OSBPL3: variants seen among roughly 807,000 people sequenced by gnomAD.
The protein encoded by OSBPL3 is oxysterol-binding protein-related protein 3.
In OSBPL3, 65 loss-of-function variants were observed where a neutral mutation model predicts 120.1. The observed-to-expected ratio is 0.54, with a 90% CI of 0.44 to 0.67. The LOEUF (loss-of-function observed/expected upper bound fraction) is 0.67, where lower values mean the gene tolerates loss of function less well. Among genes scored for constraint, OSBPL3 ranks in the 30% least tolerant of loss-of-function variants. OSBPL3 has a pLI of 0.00. For synonymous variants in OSBPL3, 416 were observed against 402.6 expected (o/e 1.03, Z -0.40); for missense variants, 1,004 against 1,082.1 (o/e 0.93, Z 1.01).
rs575938429 is a variant in OSBPL3 at position 24,847,557 on chromosome 7, T to C, written c.1266+1512A>G. On this transcript the variant is annotated intron_variant, in intron 12 of 22. Coordinates refer to ENST00000313367, the MANE Select transcript of OSBPL3 (RefSeq NM_015550.4). ...TTTAAATATATAGTTTAAAAACATG[T>C]ATTTTAAAAGACTTGTGATTTTGGT... Among the ~76,000 whole-genome samples the C allele has an allele frequency of 9.8e-5, 15 of 152,344 alleles. No individual in the cohort carries two copies. The East Asian group carries it at 2.9e-3, about 29-fold the overall frequency.
Position 24,840,713 on chromosome 7 carries a change from A to G in OSBPL3, c.1472T>C (p.Leu491Ser). ...ACCCAAGGTCTGTCTCTCATTATCT[A>G]AATCATTACTGAGATTATCTAAGGA... is the stretch of plus-strand genomic sequence containing the variant. Reference protein sequence around the residue: ...NLSLDNLSNDLDNERQTLGPV... With the variant: ...NLSLDNLSNDSDNERQTLGPV... Residue 491 changes from leucine to serine, a missense_variant, in exon 14 of 23, where the codon TTA becomes TCA. Transcript: ENST00000313367. 2 of 1,446,336 alleles carry G rather than the reference A, an allele frequency of 1.4e-6. No homozygotes were observed. Among genetic ancestry groups the G allele is most frequent in the Non-Finnish European group, 1.9e-6 (2 of 1,051,954 alleles). The allele number at this position is 1,446,336 out of a possible 1,614,324, so 89.6% of individuals were successfully genotyped here.
Position 24,851,196 on chromosome 7 carries a change from A to T in OSBPL3, c.1158+1308T>A, listed in dbSNP as rs943989535. 2.0e-5 allele frequency among the ~76,000 whole-genome samples: 3 copies of T among 152,242 alleles called. No homozygotes were observed. Among genetic ancestry groups the T allele is most frequent in the Non-Finnish European group, 4.4e-5 (3 of 68,050 alleles). ...AACAATAAGAAAGTTAGGGAAAAAA[A>T]ACAAAAACACTTTGCTTCTGCTTCT... On this transcript the variant is annotated intron_variant, in intron 11 of 22. Transcript: ENST00000313367. This position sits in a 1 kb window ranked among gnomAD's most constrained non-coding sequence, Gnocchi z 4.1.
chr7:24,947,604 T>C lies in OSBPL3; in HGVS notation c.-150+32282A>G, dbSNP rs1015710985. ...TAACCATACCAACAACTTATCTATA[T>C]GGGTAAGAAGGAAGCCAAATATTGC... On this transcript the variant is annotated intron_variant, in intron 1 of 22. Coordinates refer to ENST00000313367, the MANE Select transcript of OSBPL3 (RefSeq NM_015550.4). The surrounding 1 kb of genome is among the most constrained non-coding windows in gnomAD (Gnocchi z 4.4). Among the ~76,000 whole-genome samples the C allele has an allele frequency of 7.9e-5, 12 of 152,178 alleles. No individual in the cohort carries two copies. Among genetic ancestry groups the C allele is most frequent in the African/African-American group, 2.4e-4 (10 of 41,420 alleles).
chr7:24,874,548 G>C (rs542815837), intron 2 of OSBPL3, among the ~76,000 whole-genome samples: 12 of 152,244 alleles, frequency 7.9e-5, no homozygotes, highest in Admixed American at 7.2e-4. Flanking sequence ...AAAAATTCCT[G>C]TTAGAACTGG....
In OSBPL3 at chr7:24,863,333, C is replaced by T. The variant is rs1259117804; in HGVS notation, c.778-41G>A. 6.4e-7 allele frequency: 1 copy of T among 1,556,230 alleles called. No individual in the cohort carries two copies. The highest frequency in any genetic ancestry group is 8.9e-7 in the Non-Finnish European group (1 of 1,127,222). On this transcript the variant is annotated intron_variant, in intron 8 of 22. Coordinates refer to ENST00000313367, the MANE Select transcript of OSBPL3 (RefSeq NM_015550.4). This position sits in a 1 kb window ranked among gnomAD's most constrained non-coding sequence, Gnocchi z 5.8. ...GGAAAGAGAGCACAGACAGTAAAGT[C>T]CACCAAACCGACAAGGATAAATGCA...
At chr7:24,892,659 A>T in intron 1 of OSBPL3, 38 bp from the exon 2 acceptor site, 1 of 1,303,886 alleles carries the variant, frequency 7.7e-7, no homozygotes, top group Non-Finnish European at 9.8e-7. Flanking sequence ...CAGAGGCATC[A>T]GATATCATCT....
intron 10 of OSBPL3, among the ~76,000 whole-genome samples, chr7:24,860,413 G>A (rs1800363365): frequency 6.6e-6 from 1 of 152,108 alleles, no homozygotes; most frequent in Non-Finnish European, 1.5e-5. Flanking sequence ...TGAATCACGG[G>A]GGTGGCTTCC....
rs540685111 is a variant in OSBPL3, at chr7:24,955,369, C to A, written c.-150+24517G>T. On this transcript the variant is annotated intron_variant, in intron 1 of 22. Transcript: ENST00000313367. The surrounding 1 kb of genome is among the most constrained non-coding windows in gnomAD (Gnocchi z 4.3). ...ACAACAAAAATATACTGAGCACTTACAATGCGCTGGGAATTTTTCCAGTGC... is the reference window on the plus strand; with the variant it reads ...ACAACAAAAATATACTGAGCACTTAAAATGCGCTGGGAATTTTTCCAGTGC... Among the ~76,000 whole-genome samples, 44 of 152,306 alleles carry A rather than the reference C, an allele frequency of 2.9e-4. 1 individual carries two copies. In the South Asian group the frequency reaches 8.5e-3, roughly 29 times the overall value.
intron 2 of OSBPL3, among the ~76,000 whole-genome samples, chr7:24,885,877 C>T (rs1804454999): frequency 6.6e-6 from 1 of 152,174 alleles, no homozygotes; most frequent in Admixed American, 6.5e-5. Context: ...CATACTTGGT[C>T]ATCTTTATCA....
At position 24,852,270 on chromosome 7, in the gene OSBPL3, A is replaced by T. The variant is rs1036255979; in HGVS notation, c.1158+234T>A. Among the ~76,000 whole-genome samples, 1 of 152,244 alleles carries T rather than the reference A, an allele frequency of 6.6e-6. No individual in the cohort carries two copies. Among genetic ancestry groups the T allele is most frequent in the Non-Finnish European group, 1.5e-5 (1 of 68,050 alleles). On this transcript the variant is annotated intron_variant, in intron 11 of 22. Coordinates refer to ENST00000313367, the MANE Select transcript of OSBPL3 (RefSeq NM_015550.4). The surrounding 1 kb of genome is among the most constrained non-coding windows in gnomAD (Gnocchi z 4.1). ...TTAGAGAAACAAAAAAATTAAGATC[A>T]GTCAGAGGAAACCAAACTTAAAGAA... is the stretch of plus-strand genomic sequence containing the variant.
chr7:24,901,947 G>A (rs780599137), intron 1 of OSBPL3, among the ~76,000 whole-genome samples: 7 of 152,162 alleles, frequency 4.6e-5, no homozygotes, highest in Non-Finnish European at 1.0e-4. Flanking sequence ...CCCACTGTAC[G>A]ATACTGGGAA....
chr7:24,851,552 C>T lies in OSBPL3; in HGVS notation c.1158+952G>A, dbSNP rs1231539484. ...CTGTGTTGGCTTCTGGTTACAAGAT[C>T]CTAAAATTTATCTCCCCTACCTGAC... On this transcript the variant is annotated intron_variant, in intron 11 of 22. Coordinates refer to ENST00000313367, the MANE Select transcript of OSBPL3 (RefSeq NM_015550.4). The surrounding 1 kb of genome is among the most constrained non-coding windows in gnomAD (Gnocchi z 4.1). Among the ~76,000 whole-genome samples, 1 of 152,078 alleles carries T rather than the reference C, an allele frequency of 6.6e-6. No individual in the cohort carries two copies. The highest frequency in any genetic ancestry group is 1.5e-5 in the Non-Finnish European group (1 of 68,016).
Position 24,819,818 on chromosome 7 carries a change from A to G in OSBPL3, c.1948+357T>C, listed in dbSNP as rs1016611720. ...TTAGGAACAATCATCTCAAAAATGAAAAGAAGTAAGCAATGTAAAACACGA... is the reference window on the plus strand; with the variant it reads ...TTAGGAACAATCATCTCAAAAATGAGAAGAAGTAAGCAATGTAAAACACGA... On this transcript the variant is annotated intron_variant, in intron 17 of 22. Coordinates refer to ENST00000313367, the MANE Select transcript of OSBPL3 (RefSeq NM_015550.4). The surrounding 1 kb of genome is among the most constrained non-coding windows in gnomAD (Gnocchi z 4.1). Among the ~76,000 whole-genome samples the G allele has an allele frequency of 1.3e-5, 2 of 152,232 alleles. No individual in the cohort carries two copies. The highest frequency in any genetic ancestry group is 4.8e-5 in the African/African-American group (2 of 41,462).
In OSBPL3 at chr7:24,891,903, A is replaced by G. The variant is rs1052038741; in HGVS notation, c.96+474T>C. ...AATCTGTGGTTACAAGCTGCCATAA[A>G]AGGTTTGATGAAGGGAAGAAAGTTG... On this transcript the variant is annotated intron_variant, in intron 2 of 22. Transcript: ENST00000313367. The surrounding 1 kb of genome is among the most constrained non-coding windows in gnomAD (Gnocchi z 4.1). Among the ~76,000 whole-genome samples the G allele has an allele frequency of 9.9e-5, 15 of 152,214 alleles. No homozygotes were observed. Among genetic ancestry groups the G allele is most frequent in the African/African-American group, 3.6e-4 (15 of 41,470 alleles).
chr7:24,851,556 A>C lies in OSBPL3; in HGVS notation c.1158+948T>G, dbSNP rs1054051311. On this transcript the variant is annotated intron_variant, in intron 11 of 22. Transcript: ENST00000313367. This position sits in a 1 kb window ranked among gnomAD's most constrained non-coding sequence, Gnocchi z 4.1. ...GTTGGCTTCTGGTTACAAGATCCTA[A>C]AATTTATCTCCCCTACCTGACCTGA... Among the ~76,000 whole-genome samples, 14 of 152,174 alleles carry C rather than the reference A, an allele frequency of 9.2e-5. No individual in the cohort carries two copies. The highest frequency in any genetic ancestry group is 3.4e-4 in the African/African-American group (14 of 41,438).
At position 24,818,245 on chromosome 7, in the gene OSBPL3, T is replaced by C. The variant is rs28500553; in HGVS notation, c.1949-1557A>G. On this transcript the variant is annotated intron_variant, in intron 17 of 22. Transcript: ENST00000313367. The surrounding 1 kb of genome is among the most constrained non-coding windows in gnomAD (Gnocchi z 4.0). ...ATTAACTGTGCTGATAACTGCACAG[T>C]TTATTAAATTCACAATTCTGTGAAT... Among the ~76,000 whole-genome samples the C allele has an allele frequency of 0.037, 5,685 of 152,228 alleles. 267 individuals carry two copies. The highest frequency in any genetic ancestry group is 0.18 in the East Asian group (919 of 5,186).
intron 1 of OSBPL3, among the ~76,000 whole-genome samples, chr7:24,956,715 T>C (rs1815098458): frequency 6.6e-6 from 1 of 152,242 alleles, no homozygotes. Context: ...ATCTGTCTTT[T>C]AGATACTTGT....
intron 1 of OSBPL3, among the ~76,000 whole-genome samples, chr7:24,929,474 C>T (rs1460996493): frequency 1.3e-5 from 2 of 152,022 alleles, no homozygotes; most frequent in Non-Finnish European, 2.9e-5. Context: ...ATAAGTTTTA[C>T]CAAAAATATC....
chr7:24,888,424 T>C (rs1804847265), intron 2 of OSBPL3, among the ~76,000 whole-genome samples: 1 of 152,182 alleles, frequency 6.6e-6, no homozygotes, highest in African/African-American at 2.4e-5. Context: ...GGACCCAAGA[T>C]TGGAGAGTTA....
Sources: allele counts gnomAD v4.1 joint callset (sites outside exome capture counted in the v4.1 genomes callset), GRCh38; gene constraint gnomAD v4.1.1; non-coding constraint Gnocchi (gnomAD v3.1); transcripts MANE v1.5; gene names NCBI Gene and HGNC (gene_info 2026-07-23, HGNC 2026-07-21).